Variants in PIGK observed in about 807,000 individuals in gnomAD.
PIGK encodes the protein phosphatidylinositol glycan anchor biosynthesis class K.
A neutral mutation model predicts 50.6 loss-of-function variants in PIGK; 42 were observed. That is an observed-to-expected ratio of 0.83 (90% CI 0.65 to 1.07). The LOEUF (loss-of-function observed/expected upper bound fraction) is 1.07. PIGK is among the 50% of genes least tolerant of loss of function. The pLI is 0.00. For missense variants in PIGK, 448 were observed against 488.7 expected, an observed-to-expected ratio of 0.92 and a Z score of 0.78; for synonymous variants, 151 against 156.0, an observed-to-expected ratio of 0.97 and a Z score of 0.24.
chr1:77,154,269 AATATTG>A, intron 9 of PIGK, 174 bp downstream of exon 9: 1 of 572,946 alleles, frequency 1.7e-6, no homozygotes, highest in Non-Finnish European at 3.1e-6. Flanking sequence ...AGTTTCCACT[AATATTG>A]ATAGTTTTTA....
intron 1 of PIGK, among the ~76,000 whole-genome samples, chr1:77,216,214 T>C (rs1214390118): frequency 6.6e-6 from 1 of 152,148 alleles, no homozygotes; most frequent in Admixed American, 6.5e-5. Flanking sequence ...CCCATAAATA[T>C]GCACAATTAT....
At chr1:77,200,764 C>T (rs1326636791) in intron 3 of PIGK, among the ~76,000 whole-genome samples, 5 of 152,060 alleles carry the variant, frequency 3.3e-5, no homozygotes, top group Admixed American at 3.3e-4. Context: ...AATTGTGATC[C>T]TATTTTTATT....
At chr1:77,145,608 A>C (rs1160213282) in intron 9 of PIGK, among the ~76,000 whole-genome samples, 1 of 152,108 alleles carries the variant, frequency 6.6e-6, no homozygotes, top group Non-Finnish European at 1.5e-5. Context: ...AAGCTGTGAT[A>C]CAGCCCAATA....
At chr1:77,108,451 A>C (rs1461237833) in intron 10 of PIGK, among the ~76,000 whole-genome samples, 1 of 152,176 alleles carries the variant, frequency 6.6e-6, no homozygotes, top group Non-Finnish European at 1.5e-5. Flanking sequence ...GTTTCTGCCG[A>C]GAGATCTGCT....
intron 3 of PIGK, among the ~76,000 whole-genome samples, chr1:77,184,478 C>T (rs1557817329): frequency 6.6e-6 from 1 of 152,140 alleles, no homozygotes; most frequent in Non-Finnish European, 1.5e-5. Flanking sequence ...CACAAGAAAA[C>T]CTCCAGCCCT....
chr1:77,192,703 A>G (rs905675579), intron 3 of PIGK, among the ~76,000 whole-genome samples: 1 of 152,220 alleles, frequency 6.6e-6, no homozygotes, highest in Non-Finnish European at 1.5e-5. Context: ...CACTTCTAAC[A>G]TAGAAGTAGT....
At chr1:77,197,417 G>C (rs1274624193) in intron 3 of PIGK, among the ~76,000 whole-genome samples, 1 of 152,112 alleles carries the variant, frequency 6.6e-6, no homozygotes, top group Non-Finnish European at 1.5e-5. Flanking sequence ...CGTAATAATA[G>C]GTAGAACTTC....
intron 3 of PIGK, among the ~76,000 whole-genome samples, chr1:77,188,452 G>A (rs538447644): frequency 1.6e-4 from 24 of 152,118 alleles, no homozygotes; most frequent in Non-Finnish European, 2.1e-4. Context: ...TGGTCAGACC[G>A]GTTGATCTCA....
At chr1:77,110,856 A>T (rs1450816437) in intron 10 of PIGK, among the ~76,000 whole-genome samples, 1 of 152,146 alleles carries the variant, frequency 6.6e-6, no homozygotes, top group Non-Finnish European at 1.5e-5. Flanking sequence ...TTTGCAATCT[A>T]CTCATCTGAC....
At position 77,207,452 on chromosome 1, in the gene PIGK, T is replaced by C. The variant is rs574882300; in HGVS notation, c.148-721A>G. Among the ~76,000 whole-genome samples the C allele has an allele frequency of 3.3e-4, 51 of 152,334 alleles. 1 individual carries two copies. Among genetic ancestry groups the C allele is most frequent in the African/African-American group, 1.2e-3 (50 of 41,568 alleles). On this transcript the variant is annotated intron_variant, in intron 2 of 10. Coordinates refer to ENST00000370812, the MANE Select transcript of PIGK (RefSeq NM_005482.3). Reference sequence around the variant, plus strand: ...CAATATTTGTTTCATTCCACATTGCTTCCTTTATTGTGAGAAACGTAGGAC... The same window carrying C: ...CAATATTTGTTTCATTCCACATTGCCTCCTTTATTGTGAGAAACGTAGGAC...
chr1:77,141,838 T>C (rs1654656238), intron 9 of PIGK, among the ~76,000 whole-genome samples: 1 of 152,150 alleles, frequency 6.6e-6, no homozygotes, highest in Non-Finnish European at 1.5e-5. Context: ...TTATTAAATT[T>C]TGATTTTTTT....
chr1:77,192,331 A>G (rs1021841266), intron 3 of PIGK, among the ~76,000 whole-genome samples: 3 of 152,326 alleles, frequency 2.0e-5, no homozygotes, highest in African/African-American at 7.2e-5. Flanking sequence ...TCTCAATTAA[A>G]TGTAATTCAA....
intron 9 of PIGK, among the ~76,000 whole-genome samples, chr1:77,137,376 G>A (rs887759204): frequency 1.3e-4 from 20 of 152,286 alleles, no homozygotes; most frequent in Non-Finnish European, 1.5e-5. Context: ...TTGTTATTTA[G>A]ACATTAAGTT....
chr1:77,141,797 G>A (rs562570492), intron 9 of PIGK, among the ~76,000 whole-genome samples: 5 of 151,828 alleles, frequency 3.3e-5, no homozygotes, highest in Non-Finnish European at 5.9e-5. Flanking sequence ...GACTTTTTAG[G>A]TCCACTTTGG....
chr1:77,208,134 G>A (rs1363493053), intron 2 of PIGK, among the ~76,000 whole-genome samples: 2 of 152,084 alleles, frequency 1.3e-5, no homozygotes, highest in Non-Finnish European at 2.9e-5. Flanking sequence ...GCTGACGTGG[G>A]AGGATCACTT....
intron 10 of PIGK, among the ~76,000 whole-genome samples, chr1:77,117,276 C>A (rs1036545157): frequency 2.6e-5 from 4 of 152,196 alleles, no homozygotes; most frequent in African/African-American, 9.6e-5. Context: ...CAAGTAGCTT[C>A]TTGACAAAGG....
At chr1:77,162,631 CA>C (rs1317347177) in intron 6 of PIGK, among the ~76,000 whole-genome samples, 1 of 152,028 alleles carries the variant, frequency 6.6e-6, no homozygotes, top group Non-Finnish European at 1.5e-5. Context: ...GGCTAGCTGG[CA>C]AAAGTTAAAG....
chr1:77,138,344 T>C (rs1215270232), intron 9 of PIGK, among the ~76,000 whole-genome samples: 1 of 152,196 alleles, frequency 6.6e-6, no homozygotes, highest in Non-Finnish European at 1.5e-5. Flanking sequence ...ACAGCCATAC[T>C]GTGAACTGCC....
chr1:77,157,261 A>G (rs934157712), intron 8 of PIGK, among the ~76,000 whole-genome samples: 5 of 152,218 alleles, frequency 3.3e-5, no homozygotes, highest in Non-Finnish European at 7.4e-5. Context: ...CTGCCCCAGT[A>G]AACTGCCAGA....
Sources: gnomAD v4.1 joint callset for allele counts (sites outside exome capture counted in the v4.1 genomes callset) on GRCh38, gnomAD v4.1.1 for gene constraint, MANE v1.5 for transcripts, NCBI Gene and HGNC (gene_info 2026-07-23, HGNC 2026-07-21) for gene names.